ERI3: variants seen among roughly 807,000 people sequenced by gnomAD.
The protein encoded by ERI3 is ERI1 exoribonuclease family member 3.
Under a neutral mutation model 44.4 loss-of-function variants are expected in ERI3, and 18 were observed. The ratio of observed to expected loss-of-function variants is 0.41; its 90% CI spans 0.28 to 0.60. The LOEUF is 0.60. Among genes scored for constraint, ERI3 ranks in the 20% least tolerant of loss-of-function variants. ERI3 has a pLI of 0.36. For missense variants in ERI3, 294 were observed against 435.5 expected (o/e 0.68, Z 2.89); for synonymous variants, 183 against 164.8 (o/e 1.11, Z -0.84).
chr1:44,291,247 G>A (rs1461234903), intron 6 of ERI3, among the ~76,000 whole-genome samples: 2 of 152,172 alleles, frequency 1.3e-5, no homozygotes, highest in Admixed American at 6.5e-5. Context: ...TCTCTTGGCC[G>A]CTGCTGATGT....
At chr1:44,258,081 C>A (rs951399027) in intron 7 of ERI3, among the ~76,000 whole-genome samples, 11 of 152,154 alleles carry the variant, frequency 7.2e-5, no homozygotes, top group Non-Finnish European at 1.3e-4. Context: ...GGTGTCAGAA[C>A]CAGTCTGCAA....
intron 2 of ERI3, among the ~76,000 whole-genome samples, chr1:44,352,187 G>C (rs556005741): frequency 6.6e-6 from 1 of 152,252 alleles, no homozygotes; most frequent in Non-Finnish European, 1.5e-5. Flanking sequence ...GCTGGTCCCT[G>C]ATCCTTGTAA....
chr1:44,250,306 G>A (rs1471544503), intron 7 of ERI3, among the ~76,000 whole-genome samples: 1 of 152,220 alleles, frequency 6.6e-6, no homozygotes, highest in African/African-American at 2.4e-5. Flanking sequence ...GCAGCTCAAC[G>A]TTATCTGCAC....
Position 44,221,823 on chromosome 1 carries a change from C to T in ERI3, c.932-183G>A, listed in dbSNP as rs1029654157. Among the ~76,000 whole-genome samples, 4 of 152,124 alleles carry T rather than the reference C, an allele frequency of 2.6e-5. No individual in the cohort carries two copies. Among genetic ancestry groups the T allele is most frequent in the Non-Finnish European group, 5.9e-5 (4 of 68,032 alleles). Reference sequence around the variant, plus strand: ...CAGGTTGGTCTGGGTGATGCTGGGCCGGCAGGAAGCCTGGTCTCGATGCTT... The same window carrying T: ...CAGGTTGGTCTGGGTGATGCTGGGCTGGCAGGAAGCCTGGTCTCGATGCTT... On this transcript the variant is annotated intron_variant, in intron 8 of 8. Coordinates refer to ENST00000372257, the MANE Select transcript of ERI3 (RefSeq NM_024066.3). This position sits in a 1 kb window ranked among gnomAD's most constrained non-coding sequence, Gnocchi z 5.9.
chr1:44,268,899 G>A (rs963237030), intron 7 of ERI3, among the ~76,000 whole-genome samples: 1 of 152,142 alleles, frequency 6.6e-6, no homozygotes, highest in Non-Finnish European at 1.5e-5. Context: ...TTCTCATGGT[G>A]AAGCCCAAAG....
At chr1:44,223,635 C>T (rs1557761834) in intron 8 of ERI3, among the ~76,000 whole-genome samples, 1 of 152,298 alleles carries the variant, frequency 6.6e-6, no homozygotes, top group African/African-American at 2.4e-5. Flanking sequence ...TTGACTTCAT[C>T]TGGCTCCTCC....
At chr1:44,293,824 G>A (rs1234809026) in intron 6 of ERI3, among the ~76,000 whole-genome samples, 2 of 152,184 alleles carry the variant, frequency 1.3e-5, no homozygotes, top group Admixed American at 1.3e-4. Context: ...TCTACTCTCA[G>A]GCTCTGCCCT....
intron 7 of ERI3, among the ~76,000 whole-genome samples, chr1:44,265,049 G>T (rs1335364370): frequency 1.3e-5 from 2 of 152,098 alleles, no homozygotes; most frequent in Admixed American, 6.6e-5. Context: ...GCCTAGCCTT[G>T]AGCCAGGAGG....
intron 7 of ERI3, among the ~76,000 whole-genome samples, chr1:44,258,043 C>T (rs1644814882): frequency 6.6e-6 from 1 of 152,154 alleles, no homozygotes; most frequent in Admixed American, 6.5e-5. Flanking sequence ...CTTCCTGATA[C>T]TGAGCTGTTA....
At chr1:44,238,743 T>C (rs1158394346) in intron 8 of ERI3, among the ~76,000 whole-genome samples, 3 of 151,544 alleles carry the variant, frequency 2.0e-5, no homozygotes, top group African/African-American at 7.3e-5. Context: ...CCCCATCACA[T>C]AGCCTCCCCC....
At chr1:44,350,798 A>G (rs1423727811) in intron 2 of ERI3, among the ~76,000 whole-genome samples, 1 of 151,508 alleles carries the variant, frequency 6.6e-6, no homozygotes, top group African/African-American at 2.4e-5. Context: ...GGGTCTCAGT[A>G]TCTTGACCAG....
intron 3 of ERI3, among the ~76,000 whole-genome samples, chr1:44,321,328 T>C (rs1023982251): frequency 3.4e-4 from 51 of 152,040 alleles, no homozygotes; most frequent in African/African-American, 1.0e-3. Context: ...TTCCCAGAGA[T>C]AGAAAGGGCA....
At chr1:44,257,968 G>A (rs554622096) in intron 7 of ERI3, among the ~76,000 whole-genome samples, 18 of 152,284 alleles carry the variant, frequency 1.2e-4, no homozygotes, top group Admixed American at 1.0e-3. Context: ...AGGCCTAGAT[G>A]GAGAGAGGAG....
At chr1:44,225,106 C>T (rs1644004751) in intron 8 of ERI3, among the ~76,000 whole-genome samples, 1 of 152,022 alleles carries the variant, frequency 6.6e-6, no homozygotes, top group Non-Finnish European at 1.5e-5. Flanking sequence ...CTGCTTGAAG[C>T]TCTGGGGGCC....
intron 8 of ERI3, among the ~76,000 whole-genome samples, chr1:44,224,209 C>T (rs983117537): frequency 1.5e-4 from 23 of 152,224 alleles, no homozygotes; most frequent in Non-Finnish European, 3.2e-4. Context: ...TACAGCCAAA[C>T]TGATCTTTCT....
intron 1 of ERI3, 22 bp downstream of exon 1, chr1:44,354,870 G>C: frequency 1.5e-6 from 2 of 1,314,706 alleles, no homozygotes; most frequent in Non-Finnish European, 2.0e-6. Flanking sequence ...CAATCTTGGC[G>C]GGGCCATTCA....
Position 44,319,721 on chromosome 1 carries a change from T to C in ERI3, c.513A>G (p.Leu171=), listed in dbSNP as rs149943017. ...TCTCCATGGTCCGGCCATTTAGCTT[T>C]AGGATGGGGAACTCGATGATTTCCT... ...HPQEIIEFPI[L]KLNGRTMEIE... Residue 171 remains leucine (L), a synonymous_variant, in exon 4 of 9, where the codon CTA becomes CTG. Coordinates refer to ENST00000372257, the MANE Select transcript of ERI3 (RefSeq NM_024066.3). The C allele has an allele frequency of 6.1e-5, 99 of 1,614,060 alleles. No homozygotes were observed. In the East Asian group the frequency reaches 1.1e-3, roughly 17 times the overall value.
Position 44,241,620 on chromosome 1 carries a change from G to T in ERI3, c.931+6319C>A, listed in dbSNP as rs1409448458. ...CAGGGGTCAGGGCGCTGACATCCCC[G>T]CAGAGTCTATCTGCAAGTGCTAATT... On this transcript the variant is annotated intron_variant, in intron 8 of 8. Coordinates refer to ENST00000372257, the MANE Select transcript of ERI3 (RefSeq NM_024066.3). The surrounding 1 kb of genome is among the most constrained non-coding windows in gnomAD (Gnocchi z 5.6). Among the ~76,000 whole-genome samples the T allele has an allele frequency of 6.6e-6, 1 of 152,050 alleles. No individual in the cohort carries two copies. The highest frequency in any genetic ancestry group is 1.5e-5 in the Non-Finnish European group (1 of 68,018).
intron 7 of ERI3, among the ~76,000 whole-genome samples, chr1:44,251,435 G>A (rs1644676643): frequency 6.6e-6 from 1 of 152,224 alleles, no homozygotes; most frequent in Non-Finnish European, 1.5e-5. Flanking sequence ...CCTGATCAGG[G>A]TGAGGTGTCA....
Sources: gnomAD v4.1 joint callset for allele counts (sites outside exome capture counted in the v4.1 genomes callset) on GRCh38, gnomAD v4.1.1 for gene constraint, Gnocchi (gnomAD v3.1) non-coding constraint, MANE v1.5 for transcripts, NCBI Gene and HGNC (gene_info 2026-07-23, HGNC 2026-07-21) for gene names.